Variants in PON2 observed in about 807,000 individuals in gnomAD.
PON2 encodes the protein serum paraoxonase/arylesterase 2.
In PON2, 27 loss-of-function variants were observed where a neutral mutation model predicts 36.6. That is an observed-to-expected ratio of 0.74 (90% CI 0.54 to 1.02). PON2 has a LOEUF of 1.02. PON2 is among the 50% of genes least tolerant of loss of function. The pLI is 0.00. For missense variants in PON2, 363 were observed against 421.1 expected (o/e 0.86, Z 1.21); for synonymous variants, 149 against 156.3 (o/e 0.95, Z 0.35).
intron 3 of PON2, among the ~76,000 whole-genome samples, chr7:95,413,924 A>G (rs1490249761): frequency 6.6e-6 from 1 of 152,228 alleles, no homozygotes; most frequent in Non-Finnish European, 1.5e-5. Flanking sequence ...CCTATTCTTT[A>G]TGAATGTCCC....
intron 5 of PON2, 93 bp downstream of exon 5, chr7:95,411,560 T>C (rs1788924474): frequency 2.1e-6 from 3 of 1,454,830 alleles, no homozygotes; most frequent in South Asian, 2.3e-5. Context: ...AATATATACA[T>C]TAGCGCTTAT....
chr7:95,434,985 C>A lies in PON2; in HGVS notation c.-34G>T, dbSNP rs1392619366. 1.3e-6 allele frequency: 2 copies of A among 1,511,058 alleles called. No homozygotes were observed. Among genetic ancestry groups the A allele is most frequent in the African/African-American group, 1.4e-5 (1 of 69,466 alleles). The allele number at this position is 1,511,058 out of a possible 1,614,324, so 93.6% of individuals were successfully genotyped here. ...AGCCGGGCGCGCTGCCTCGCTCCGG[C>A]CTGGCCAGCAGCTCCGTGGGCGGTG... is the stretch of plus-strand genomic sequence containing the variant. On this transcript the variant is annotated 5_prime_UTR_variant, in exon 1 of 9. Coordinates refer to ENST00000222572, the MANE Select transcript of PON2 (RefSeq NM_000305.3).
intron 2 of PON2, among the ~76,000 whole-genome samples, chr7:95,421,028 A>T (rs1226711096): frequency 6.6e-6 from 1 of 152,204 alleles, no homozygotes; most frequent in Non-Finnish European, 1.5e-5. Context: ...CTAAAAATGT[A>T]TCCCAAATGT....
At chr7:95,416,045 C>G (rs1201713989) in intron 3 of PON2, 197 bp downstream of exon 3, 55 of 910,708 alleles carry the variant, frequency 6.0e-5, no homozygotes, top group Non-Finnish European at 8.6e-5. Context: ...ATAAAGAACA[C>G]TATCTCAATG....
Position 95,412,304 on chromosome 7 carries a change from G to A in PON2, c.367+8C>T. On this transcript the variant is annotated splice_region_variant and intron_variant, in intron 4 of 8. Coordinates refer to ENST00000222572, the MANE Select transcript of PON2 (RefSeq NM_000305.3). Reference sequence around the variant, plus strand: ...GTTACTAAATGTTGGTAGCCCATTGGCTCTTACCGTTGTCTATGAAAGTGC... The same window carrying A: ...GTTACTAAATGTTGGTAGCCCATTGACTCTTACCGTTGTCTATGAAAGTGC... 6.2e-7 allele frequency: 1 copy of A among 1,613,982 alleles called. No individual in the cohort carries two copies. The highest frequency in any genetic ancestry group is 8.5e-7 in the Non-Finnish European group (1 of 1,179,902).
chr7:95,406,390 G>A lies in PON2; in HGVS notation c.778-143C>T, dbSNP rs535298974. 18 of 916,576 alleles carry A rather than the reference G, an allele frequency of 2.0e-5. No individual in the cohort carries two copies. The East Asian group carries it at 3.8e-4, about 19-fold the overall frequency. The allele number at this position is 916,576 out of a possible 1,614,324, so 56.8% of individuals were successfully genotyped here. ...TTCTAACACCAATATTGCTTAAAAG[G>A]AATGTATTAAAAACTGGTTTGGAGC... is the stretch of plus-strand genomic sequence containing the variant. On this transcript the variant is annotated intron_variant, in intron 7 of 8. Transcript: ENST00000222572.
intron 6 of PON2, among the ~76,000 whole-genome samples, chr7:95,408,098 A>G (rs1171864049): frequency 6.6e-6 from 1 of 152,254 alleles, no homozygotes; most frequent in African/African-American, 2.4e-5. Context: ...GATTCCACTG[A>G]AATCTTAGAA....
intron 4 of PON2, 76 bp downstream of exon 4, chr7:95,412,236 T>C (rs1788943878): frequency 1.9e-6 from 3 of 1,554,860 alleles, no homozygotes; most frequent in African/African-American, 1.4e-5. Context: ...CCTAGAAATA[T>C]GATCCAAATC....
intron 1 of PON2, among the ~76,000 whole-genome samples, chr7:95,425,006 C>A (rs1446911000): frequency 6.6e-6 from 1 of 152,150 alleles, no homozygotes; most frequent in Admixed American, 6.5e-5. Flanking sequence ...CACACAGAGA[C>A]TGCAAAGAAG....
At chr7:95,421,638 G>A (rs1789194767) in intron 2 of PON2, among the ~76,000 whole-genome samples, 1 of 152,148 alleles carries the variant, frequency 6.6e-6, no homozygotes. Context: ...CCCACTTAGT[G>A]TTTGGGCAAT....
intron 6 of PON2, 108 bp downstream of exon 6, chr7:95,409,793 C>A (rs1788876493): frequency 2.6e-6 from 2 of 775,418 alleles, no homozygotes; most frequent in Non-Finnish European, 4.4e-6. Flanking sequence ...GTATAATATA[C>A]CATAAATGTC....
intron 6 of PON2, among the ~76,000 whole-genome samples, chr7:95,409,051 G>C (rs182202460): frequency 1.6e-3 from 246 of 152,264 alleles, no homozygotes; most frequent in African/African-American, 5.7e-3. Context: ...GGTGGCATAT[G>C]CCTGTAATCC....
intron 2 of PON2, among the ~76,000 whole-genome samples, chr7:95,422,072 C>T (rs1789206871): frequency 6.6e-6 from 1 of 152,174 alleles, no homozygotes; most frequent in South Asian, 2.1e-4. Flanking sequence ...ACAAACTCAA[C>T]AGCAATGATG....
intron 1 of PON2, among the ~76,000 whole-genome samples, chr7:95,430,259 G>A (rs540846210): frequency 8.6e-5 from 13 of 151,874 alleles, no homozygotes; most frequent in African/African-American, 2.7e-4. Context: ...ATGGCTAGAA[G>A]TTTGAGATCA....
At chr7:95,425,163 G>T (rs1378498666) in intron 1 of PON2, among the ~76,000 whole-genome samples, 1 of 152,094 alleles carries the variant, frequency 6.6e-6, no homozygotes, top group Non-Finnish European at 1.5e-5. Flanking sequence ...GCTTTTGGGG[G>T]TACATGTGGT....
intron 1 of PON2, 60 bp from the exon 2 acceptor site, chr7:95,424,645 T>C: frequency 1.4e-6 from 2 of 1,392,872 alleles, no homozygotes; most frequent in Admixed American, 3.4e-5. Flanking sequence ...TTCCCTGCTT[T>C]GTTTTAGAAA....
intron 2 of PON2, among the ~76,000 whole-genome samples, chr7:95,423,604 A>C (rs2116494009): frequency 6.6e-6 from 1 of 152,284 alleles, no homozygotes; most frequent in African/African-American, 2.4e-5. Context: ...ACTCCACAAT[A>C]CATCCTACAT....
chr7:95,406,270 A>C (rs3735586), intron 7 of PON2, 23 bp from the exon 8 acceptor site: 3 of 1,601,926 alleles, frequency 1.9e-6, no homozygotes, highest in Non-Finnish European at 2.6e-6. Context: ...AAATTGTCAA[A>C]ATCTAAATGA....
chr7:95,423,215 G>A (rs1789233993), intron 2 of PON2, among the ~76,000 whole-genome samples: 1 of 151,700 alleles, frequency 6.6e-6, no homozygotes, highest in African/African-American at 2.4e-5. Flanking sequence ...TCAGCTACCT[G>A]GGAGGACGAG....
Sources: gnomAD v4.1 joint callset for allele counts (sites outside exome capture counted in the v4.1 genomes callset) on GRCh38, gnomAD v4.1.1 for gene constraint, MANE v1.5 for transcripts, NCBI Gene and HGNC (gene_info 2026-07-23, HGNC 2026-07-21) for gene names.